XYLT1: variants seen among roughly 807,000 people sequenced by gnomAD.
The protein encoded by XYLT1 is xylosyltransferase 1.
XYLT1 carries 36 observed loss-of-function variants against 91.3 expected under a neutral mutation model. That is an observed-to-expected ratio of 0.39 (90% confidence interval 0.30 to 0.52). The LOEUF (loss-of-function observed/expected upper bound fraction) is 0.52, where lower values mean the gene tolerates loss of function less well. XYLT1 is among the 20% of genes least tolerant of loss of function. The pLI, the probability that XYLT1 is intolerant of heterozygous loss-of-function variation, is 0.68. For synonymous variants in XYLT1, 588 were observed against 532.0 expected (o/e 1.11, Z -1.45); for missense variants, 1,242 against 1,284.5 (o/e 0.97, Z 0.51).
intron 3 of XYLT1, among the ~76,000 whole-genome samples, chr16:17,234,354 C>A (rs2141725177): frequency 6.6e-6 from 1 of 152,314 alleles, no homozygotes; most frequent in South Asian, 2.1e-4. Flanking sequence ...CTACCTTTAT[C>A]CCCGCTTAAC....
intron 3 of XYLT1, among the ~76,000 whole-genome samples, chr16:17,257,905 CA>C (rs960376523): frequency 6.6e-6 from 1 of 152,188 alleles, no homozygotes; most frequent in Non-Finnish European, 1.5e-5. Flanking sequence ...ATTCCCCTTC[CA>C]AGGGCACTAG....
intron 1 of XYLT1, among the ~76,000 whole-genome samples, chr16:17,468,780 AAG>A (rs2141967765): frequency 6.6e-6 from 1 of 152,130 alleles, no homozygotes; most frequent in East Asian, 1.9e-4. Flanking sequence ...ATGATACAGT[AAG>A]CCCCAGGCTT....
intron 1 of XYLT1, among the ~76,000 whole-genome samples, chr16:17,430,319 T>C (rs933427225): frequency 1.3e-5 from 2 of 152,186 alleles, no homozygotes; most frequent in African/African-American, 4.8e-5. Context: ...TGGAACATTT[T>C]GGATTTCAGA....
At chr16:17,441,877 A>C (rs2036536589) in intron 1 of XYLT1, among the ~76,000 whole-genome samples, 1 of 152,114 alleles carries the variant, frequency 6.6e-6, no homozygotes, top group African/African-American at 2.4e-5. Flanking sequence ...AAAGCGTTAA[A>C]GTTATTTTTG....
chr16:17,167,916 G>A (rs2031736794), intron 5 of XYLT1, among the ~76,000 whole-genome samples: 2 of 152,122 alleles, frequency 1.3e-5, no homozygotes, highest in South Asian at 4.1e-4. Context: ...CGGCTTATCT[G>A]GGGGAGGAGG....
intron 10 of XYLT1, among the ~76,000 whole-genome samples, chr16:17,124,396 C>T (rs112895277): frequency 0.013 from 2,029 of 152,264 alleles, 38 homozygotes; most frequent in African/African-American, 0.042. Context: ...ACTGGATACA[C>T]GATGCGTGGC....
At chr16:17,349,680 A>C (rs1272788005) in intron 2 of XYLT1, among the ~76,000 whole-genome samples, 1 of 150,470 alleles carries the variant, frequency 6.6e-6, no homozygotes, top group Non-Finnish European at 1.5e-5. Context: ...TGACAGTAAT[A>C]CTTCCCATAA....
intron 2 of XYLT1, among the ~76,000 whole-genome samples, chr16:17,333,325 C>T (rs890918056): frequency 3.9e-5 from 6 of 152,078 alleles, no homozygotes; most frequent in Non-Finnish European, 4.4e-5. Context: ...CAAATCTAAA[C>T]AAATATGAAA....
chr16:17,416,956 T>C (rs951855369), intron 1 of XYLT1, among the ~76,000 whole-genome samples: 3 of 152,180 alleles, frequency 2.0e-5, no homozygotes, highest in Non-Finnish European at 2.9e-5. Flanking sequence ...GCTTTAATAA[T>C]CAAATAATAA....
At chr16:17,406,232 C>A (rs1349174185) in intron 1 of XYLT1, among the ~76,000 whole-genome samples, 1 of 152,192 alleles carries the variant, frequency 6.6e-6, no homozygotes, top group African/African-American at 2.4e-5. Context: ...GCTCATTCAA[C>A]AAATATTACT....
chr16:17,249,041 C>G (rs1375727295), intron 3 of XYLT1, among the ~76,000 whole-genome samples: 1 of 151,968 alleles, frequency 6.6e-6, no homozygotes, highest in Non-Finnish European at 1.5e-5. Flanking sequence ...TTTTAATGAT[C>G]GTTTACCCCT....
intron 2 of XYLT1, among the ~76,000 whole-genome samples, chr16:17,288,900 CCACT>C (rs1388824826): frequency 6.6e-6 from 1 of 151,990 alleles, no homozygotes; most frequent in Non-Finnish European, 1.5e-5. Flanking sequence ...CCGTTTTACC[CCACT>C]GAGTGTTGAG....
chr16:17,292,003 A>G (rs1223866958), intron 2 of XYLT1, among the ~76,000 whole-genome samples: 1 of 152,006 alleles, frequency 6.6e-6, no homozygotes, highest in Non-Finnish European at 1.5e-5. Context: ...CCTGGGCAAC[A>G]TGGCAAAACA....
chr16:17,181,313 A>G (rs1280761416), intron 5 of XYLT1, among the ~76,000 whole-genome samples: 3 of 152,158 alleles, frequency 2.0e-5, no homozygotes, highest in African/African-American at 7.2e-5. Context: ...CCCCTGCCCA[A>G]TCTGCATTTC....
chr16:17,460,125 C>G (rs1006733096), intron 1 of XYLT1, among the ~76,000 whole-genome samples: 1 of 152,182 alleles, frequency 6.6e-6, no homozygotes, highest in Non-Finnish European at 1.5e-5. Context: ...ATGAAAGTCA[C>G]GGTCCGTCCC....
chr16:17,290,569 G>C (rs1485487168), intron 2 of XYLT1, among the ~76,000 whole-genome samples: 1 of 152,240 alleles, frequency 6.6e-6, no homozygotes, highest in Non-Finnish European at 1.5e-5. Context: ...CCAAACTGTT[G>C]AATCGACCCA....
intron 10 of XYLT1, 140 bp downstream of exon 10, chr16:17,127,526 G>A (rs1265689306): frequency 3.7e-5 from 39 of 1,042,396 alleles, no homozygotes; most frequent in South Asian, 1.2e-4. Flanking sequence ...AACCTTCTTC[G>A]GGCACAGGGT....
intron 5 of XYLT1, among the ~76,000 whole-genome samples, chr16:17,169,453 A>C (rs987846398): frequency 2.0e-5 from 3 of 152,220 alleles, no homozygotes; most frequent in African/African-American, 4.8e-5. Context: ...TTTGTAAGAA[A>C]CACATTTTTC....
At chr16:17,443,922 T>C (rs1305773557) in intron 1 of XYLT1, among the ~76,000 whole-genome samples, 1 of 152,100 alleles carries the variant, frequency 6.6e-6, no homozygotes, top group Middle Eastern at 3.2e-3. Flanking sequence ...AAATCCAAAC[T>C]CCTTGCTTTG....
Sources: gnomAD v4.1 joint callset for allele counts (sites outside exome capture counted in the v4.1 genomes callset) on GRCh38, gnomAD v4.1.1 for gene constraint, MANE v1.5 for transcripts, NCBI Gene and HGNC (gene_info 2026-07-23, HGNC 2026-07-21) for gene names.